HNMT: variants seen among roughly 807,000 people sequenced by gnomAD.
HNMT encodes the protein histamine N-methyltransferase.
In HNMT, 30 loss-of-function variants were observed where a neutral mutation model predicts 32.1. The observed-to-expected ratio is 0.93, with a 90% confidence interval of 0.70 to 1.27. The LOEUF is 1.27. HNMT is among the 50% of genes most tolerant of loss of function. The probability of loss-of-function intolerance (pLI) is 0.00; values close to 1 mark genes in which losing one functional copy is unlikely to be tolerated. For synonymous variants in HNMT, 125 were observed against 119.0 expected (o/e 1.05, Z -0.33); for missense variants, 327 against 346.0 (o/e 0.95, Z 0.43).
At chr2:137,988,139 C>T (rs1416518483) in intron 2 of HNMT, among the ~76,000 whole-genome samples, 1 of 152,152 alleles carries the variant, frequency 6.6e-6, no homozygotes, top group African/African-American at 2.4e-5. Flanking sequence ...GAATAAGGAC[C>T]AGGCCAGATA....
chr2:137,992,747 A>T (rs1295208966), intron 2 of HNMT, among the ~76,000 whole-genome samples: 1 of 152,130 alleles, frequency 6.6e-6, no homozygotes, highest in Non-Finnish European at 1.5e-5. Flanking sequence ...CCTCCAATAG[A>T]GGTTGTCAGA....
At chr2:137,980,713 A>G (rs1301964498) in intron 2 of HNMT, among the ~76,000 whole-genome samples, 1 of 152,194 alleles carries the variant, frequency 6.6e-6, no homozygotes. Context: ...ATGAAAACAA[A>G]TGGCAACACC....
At chr2:137,971,186 CT>C (rs112341366) in intron 2 of HNMT, among the ~76,000 whole-genome samples, 208 of 145,438 alleles carry the variant, frequency 1.4e-3, no homozygotes, top group Middle Eastern at 3.5e-3. Flanking sequence ...TCCTAAGCAC[CT>C]TTTTTTTTTT....
At chr2:138,007,365 C>T (rs1441726493) in intron 5 of HNMT, among the ~76,000 whole-genome samples, 1 of 151,790 alleles carries the variant, frequency 6.6e-6, no homozygotes, top group East Asian at 1.9e-4. Context: ...CTACTTTTCC[C>T]AATAATGAAT....
At chr2:137,994,756 C>T (rs372144780) in intron 2 of HNMT, among the ~76,000 whole-genome samples, 50 of 152,254 alleles carry the variant, frequency 3.3e-4, no homozygotes, top group Middle Eastern at 3.4e-3. Context: ...CTAAAATCTA[C>T]GACATAATTG....
intron 4 of HNMT, 58 bp downstream of exon 4, chr2:138,002,252 T>TAA (rs1681196962): frequency 1.7e-6 from 2 of 1,184,470 alleles, no homozygotes; most frequent in East Asian, 2.9e-5. Context: ...AATATATATA[T>TAA]AATGAATATC....
intron 4 of HNMT, among the ~76,000 whole-genome samples, chr2:138,003,445 G>T (rs1160492838): frequency 8.5e-5 from 13 of 152,070 alleles, no homozygotes; most frequent in Admixed American, 8.5e-4. Flanking sequence ...CACCCCAAAA[G>T]AATAAACTTA....
rs13419635 is a variant in HNMT at position 137,984,030 on chromosome 2, G to T, written c.190+13813G>T. 9.7e-3 allele frequency among the ~76,000 whole-genome samples: 1,483 copies of T among 152,186 alleles called. 21 individuals are homozygous for T. The highest frequency in any genetic ancestry group is 0.033 in the African/African-American group (1,385 of 41,512). On this transcript the variant is annotated intron_variant, in intron 2 of 5. Coordinates refer to ENST00000280097, the MANE Select transcript of HNMT (RefSeq NM_006895.3). ...GGAGTACTATACCCTGAAGATTACCGTATTGCTAAGTATTGATCTGATCTA... is the reference window on the plus strand; with the variant it reads ...GGAGTACTATACCCTGAAGATTACCTTATTGCTAAGTATTGATCTGATCTA...
At chr2:137,965,505 A>G (rs114229829) in intron 1 of HNMT, among the ~76,000 whole-genome samples, 2,602 of 152,300 alleles carry the variant, frequency 0.017, 69 homozygotes, top group African/African-American at 0.059. Flanking sequence ...GGCAGTACCT[A>G]TGTCTGACCA....
intron 4 of HNMT, chr2:138,002,433 A>T (rs1378306035): frequency 2.3e-6 from 2 of 885,664 alleles, no homozygotes; most frequent in Admixed American, 5.4e-5. Flanking sequence ...ATCCATTTTT[A>T]AAAATGTTGG....
intron 2 of HNMT, chr2:137,988,583 T>C (rs1213915503): frequency 1.3e-5 from 2 of 152,106 alleles, no homozygotes; most frequent in African/African-American, 2.4e-5. Context: ...ATTATATACA[T>C]CTTTTTGTTG....
At position 138,005,177 on chromosome 2, in the gene HNMT, C is replaced by A; in HGVS notation, c.475C>A (p.His159Asn). 6.2e-7 allele frequency: 1 copy of A among 1,604,454 alleles called. No homozygotes were observed. The highest frequency in any genetic ancestry group is 8.5e-7 in the Non-Finnish European group (1 of 1,171,768). Reference protein sequence around the residue: ...KDIPATLKFFHSLLGTNAKML... With the variant: ...KDIPATLKFFNSLLGTNAKML... ...CATCCCAGCTACCCTGAAATTCTTC[C>A]ATAGTCTCTTAGGTACCAATGCTAA... The change falls in exon 5 of 6, where the codon CAT becomes AAT. Residue 159 changes from histidine to asparagine, a missense_variant. Transcript: ENST00000280097.
intron 4 of HNMT, chr2:138,002,424 T>C: frequency 2.2e-6 from 2 of 911,126 alleles, no homozygotes; most frequent in East Asian, 6.3e-5. Context: ...CTACAAGTTA[T>C]CCATTTTTAA....
chr2:137,992,947 G>A (rs1680868521), intron 2 of HNMT, among the ~76,000 whole-genome samples: 1 of 152,004 alleles, frequency 6.6e-6, no homozygotes, highest in South Asian at 2.1e-4. Context: ...CCCTACAGAA[G>A]AGGGACCTAA....
intron 2 of HNMT, among the ~76,000 whole-genome samples, chr2:137,988,201 A>C (rs1205413410): frequency 1.3e-5 from 2 of 152,214 alleles, no homozygotes; most frequent in African/African-American, 4.8e-5. Context: ...AGTCACTAGA[A>C]GATTTTAAGC....
At chr2:137,984,422 T>C (rs1421807550) in intron 2 of HNMT, among the ~76,000 whole-genome samples, 1 of 152,202 alleles carries the variant, frequency 6.6e-6, no homozygotes, top group East Asian at 1.9e-4. Context: ...AAGCATCAGG[T>C]GATATTGTAT....
Position 137,964,487 on chromosome 2 carries a change from C to T in HNMT, c.-5C>T. ...TCCTGCTCTGTCTTTCTCAGAAAAC[C>T]AAATATGGCATCTTCCATGAGGAGC... On this transcript the variant is annotated 5_prime_UTR_variant, in exon 1 of 6. Transcript: ENST00000280097. 1 of 1,611,496 alleles carries T rather than the reference C, an allele frequency of 6.2e-7. No homozygotes were observed. The highest frequency in any genetic ancestry group is 8.5e-7 in the Non-Finnish European group (1 of 1,178,650).
chr2:138,008,510 T>C (rs538273740), intron 5 of HNMT, among the ~76,000 whole-genome samples: 23 of 152,026 alleles, frequency 1.5e-4, no homozygotes, highest in Non-Finnish European at 2.9e-4. Flanking sequence ...TACCCAGTAA[T>C]AGGTTTCCAA....
chr2:137,978,223 A>G (rs1419591629), intron 2 of HNMT, among the ~76,000 whole-genome samples: 1 of 151,212 alleles, frequency 6.6e-6, no homozygotes, highest in Non-Finnish European at 1.5e-5. Context: ...AATATCTAAA[A>G]CTATATATGA....
Sources: allele counts gnomAD v4.1 joint callset (sites outside exome capture counted in the v4.1 genomes callset), GRCh38; gene constraint gnomAD v4.1.1; transcripts MANE v1.5; gene names NCBI Gene and HGNC (gene_info 2026-07-23, HGNC 2026-07-21).